The following ARHGAP18 variants were observed in gnomAD, a reference collection of about 807,000 sequenced individuals.
ARHGAP18 encodes the protein rho GTPase-activating protein 18.
ARHGAP18 carries 67 observed loss-of-function variants against 86.2 expected under a neutral mutation model. The ratio of observed to expected loss-of-function variants is 0.78; its 90% confidence interval spans 0.64 to 0.95. The LOEUF (loss-of-function observed/expected upper bound fraction) is 0.95, where lower values mean the gene tolerates loss of function less well. ARHGAP18 is among the 40% of genes least tolerant of loss of function. ARHGAP18 has a pLI of 0.00. For synonymous variants in ARHGAP18, 283 were observed against 280.4 expected (o/e 1.01, Z -0.09); for missense variants, 691 against 780.4 (o/e 0.89, Z 1.37).
At chr6:129,676,913 C>CTTTTTTTTTTTT (rs1562721123) in intron 1 of ARHGAP18, among the ~76,000 whole-genome samples, 3 of 34,564 alleles carry the variant, frequency 8.7e-5, no homozygotes, top group South Asian at 9.7e-4. Context: ...ATTTTTTGTC[C>CTTTTTTTTTTTT]TCTTTTTTTT....
At chr6:129,677,309 C>T (rs907721077) in intron 1 of ARHGAP18, among the ~76,000 whole-genome samples, 3 of 151,916 alleles carry the variant, frequency 2.0e-5, no homozygotes, top group African/African-American at 7.3e-5. Flanking sequence ...AGGAGAATGG[C>T]GTGAACCCGG....
intron 11 of ARHGAP18, 58 bp downstream of exon 11, chr6:129,600,584 A>G: frequency 7.1e-7 from 1 of 1,398,878 alleles, no homozygotes; most frequent in Non-Finnish European, 9.8e-7. Context: ...AAAGCTAATA[A>G]CAAACATGCA....
chr6:129,622,128 T>C (rs986411908), intron 5 of ARHGAP18, among the ~76,000 whole-genome samples: 3 of 152,128 alleles, frequency 2.0e-5, no homozygotes, highest in Non-Finnish European at 4.4e-5. Context: ...ACTAAATGAA[T>C]GGAGACACAC....
At position 129,625,359 on chromosome 6, in the gene ARHGAP18, ATGTATATTTATATATATTATATAT is replaced by A. The variant is rs1562697048; in HGVS notation, c.786+3970_786+3993del. On this transcript the variant is annotated intron_variant, in intron 5 of 14. Coordinates refer to ENST00000368149, the MANE Select transcript of ARHGAP18 (RefSeq NM_033515.3). ...TATATATTTATATGTAATATATATT[ATGTATATTTATATATATTATATAT>A]TATATATTTATACATATGTATTATA... Among the ~76,000 whole-genome samples, 148 of 64,480 alleles carry A rather than the reference ATGTATATTTATATATATTATATAT, an allele frequency of 2.3e-3. 44 individuals carry two copies. The highest frequency in any genetic ancestry group is 0.012 in the African/African-American group (128 of 10,630). 42.3% of individuals were successfully genotyped at this position (64,480 alleles called of 152,430 possible). A position where few individuals can be genotyped will look rare whatever the true frequency, so the allele number is the denominator to read the frequency against.
chr6:129,625,117 A>AC (rs553523150), intron 5 of ARHGAP18, among the ~76,000 whole-genome samples: 1 of 27,980 alleles, frequency 3.6e-5, no homozygotes, highest in African/African-American at 1.4e-4. Context: ...TATATTATAT[A>AC]GATATATATT....
At chr6:129,697,959 A>T (rs1774647299) in intron 1 of ARHGAP18, among the ~76,000 whole-genome samples, 1 of 152,226 alleles carries the variant, frequency 6.6e-6, no homozygotes, top group East Asian at 1.9e-4. Context: ...ATCGAGTTAC[A>T]TGTTTCTAGC....
At chr6:129,649,187 T>G (rs79452424) in intron 1 of ARHGAP18, among the ~76,000 whole-genome samples, 2,639 of 152,332 alleles carry the variant, frequency 0.017, 77 homozygotes, top group African/African-American at 0.06. Context: ...CTTTTCCTCT[T>G]TGCATATCTT....
rs575118483 is a variant in ARHGAP18 at position 129,643,825 on chromosome 6, T to G, written c.114-1807A>C. ...AAAATTGTTTAAAATAGTAGGATTT[T>G]AATAGTACATAAGGGAGAGGGTCAC... On this transcript the variant is annotated intron_variant, in intron 1 of 14. Coordinates refer to ENST00000368149, the MANE Select transcript of ARHGAP18 (RefSeq NM_033515.3). Among the ~76,000 whole-genome samples, 12 of 152,354 alleles carry G rather than the reference T, an allele frequency of 7.9e-5. No individual in the cohort carries two copies. In the South Asian group the frequency reaches 2.1e-3, roughly 26 times the overall value.
chr6:129,598,906 C>T (rs77007807), intron 12 of ARHGAP18: 16 of 178,164 alleles, frequency 9.0e-5, no homozygotes, highest in Non-Finnish European at 1.2e-4. Flanking sequence ...CTAGAGTCTC[C>T]GCACGAGAGG....
intron 1 of ARHGAP18, among the ~76,000 whole-genome samples, chr6:129,691,530 C>G (rs1243007537): frequency 1.3e-5 from 2 of 152,166 alleles, no homozygotes; most frequent in African/African-American, 4.8e-5. Flanking sequence ...AAGAGTGGCT[C>G]TCTCTAAGCG....
In ARHGAP18 at chr6:129,638,423, A is replaced by G; in HGVS notation, c.523T>C (p.Phe175Leu). The change falls in exon 3 of 15, where the codon TTT becomes CTT. Residue 175 changes from phenylalanine (F) to leucine (L), a missense_variant. Phe to Leu is a conservative substitution (Grantham distance 22). Coordinates refer to ENST00000368149, the MANE Select transcript of ARHGAP18 (RefSeq NM_033515.3). ...QYQIPDVRDI[F>L]AQQRESKETA... Reference sequence around the variant, plus strand: ...TCTTTTGATTCTCTCTGTTGAGCAAATATGTCTCTGACGTCAGGAATCTGG... The same window carrying G: ...TCTTTTGATTCTCTCTGTTGAGCAAGTATGTCTCTGACGTCAGGAATCTGG... The G allele has an allele frequency of 6.2e-7, 1 of 1,614,104 alleles. No homozygotes were observed. The highest frequency in any genetic ancestry group is 8.5e-7 in the Non-Finnish European group (1 of 1,179,980).
rs1021337389 is a variant in ARHGAP18 at position 129,647,528 on chromosome 6, C to G, written c.114-5510G>C. On this transcript the variant is annotated intron_variant, in intron 1 of 14. Transcript: ENST00000368149. ...GTTTTGTTTTCTTATAAGATCCTTT[C>G]TAAAAACGATATACTTTCTTTCATG... 1.5e-4 allele frequency among the ~76,000 whole-genome samples: 23 copies of G among 152,276 alleles called. 2 individuals carry two copies. In the Middle Eastern group the frequency reaches 0.014, roughly 90 times the overall value.
chr6:129,583,164 C>T (rs923666172), intron 13 of ARHGAP18, among the ~76,000 whole-genome samples: 1 of 152,112 alleles, frequency 6.6e-6, no homozygotes, highest in Admixed American at 6.5e-5. Context: ...ACAGAGTATT[C>T]GTAAACTGAG....
At chr6:129,640,888 A>G (rs1773443756) in intron 2 of ARHGAP18, among the ~76,000 whole-genome samples, 1 of 152,224 alleles carries the variant, frequency 6.6e-6, no homozygotes, top group African/African-American at 2.4e-5. Context: ...AGAATTGGAC[A>G]TGAAAAACTT....
chr6:129,709,538 G>A (rs978662609), intron 1 of ARHGAP18, among the ~76,000 whole-genome samples: 5 of 152,292 alleles, frequency 3.3e-5, no homozygotes, highest in South Asian at 4.1e-4. Flanking sequence ...TGGGCTTTTT[G>A]CCTAAGAGGT....
rs369628546 is a variant in ARHGAP18, at chr6:129,638,418, A to G, written c.528T>C (p.Ala176=). 4 of 1,614,004 alleles carry G rather than the reference A, an allele frequency of 2.5e-6. No homozygotes were observed. Among genetic ancestry groups the G allele is most frequent in the Non-Finnish European group, 3.4e-6 (4 of 1,179,958 alleles). ...CTGTTTCTTTTGATTCTCTCTGTTG[A>G]GCAAATATGTCTCTGACGTCAGGAA... ...YQIPDVRDIF[A]QQRESKETAP... Residue 176 remains alanine (A), a synonymous_variant, in exon 3 of 15, where the codon GCT becomes GCC. Transcript: ENST00000368149.
At chr6:129,632,796 T>G (rs969224604) in intron 4 of ARHGAP18, among the ~76,000 whole-genome samples, 4 of 152,180 alleles carry the variant, frequency 2.6e-5, no homozygotes, top group African/African-American at 9.7e-5. Flanking sequence ...AGAGAGAAGT[T>G]CTGAGGAAAG....
In ARHGAP18 at chr6:129,589,997, C is replaced by A. The variant is rs148739148; in HGVS notation, c.1714-5885G>T. 7.6e-3 allele frequency among the ~76,000 whole-genome samples: 1,151 copies of A among 152,244 alleles called. 20 individuals carry two copies. Among genetic ancestry groups the A allele is most frequent in the African/African-American group, 0.026 (1,086 of 41,544 alleles). The stretch of plus-strand genomic sequence containing the variant: ...ATGTTCCAGAGCAGGAAGCATCCAG[C>A]CAGGAAAAAGATGAAGGCCAGAGGA... On this transcript the variant is annotated intron_variant, in intron 12 of 14. Transcript: ENST00000368149.
At chr6:129,620,831 T>A (rs1219508101) in intron 5 of ARHGAP18, among the ~76,000 whole-genome samples, 1 of 152,218 alleles carries the variant, frequency 6.6e-6, no homozygotes, top group African/African-American at 2.4e-5. Context: ...CAGAACTATT[T>A]TAATAATTAG....
Sources: gnomAD v4.1 joint callset for allele counts (sites outside exome capture counted in the v4.1 genomes callset) on GRCh38, gnomAD v4.1.1 for gene constraint, MANE v1.5 for transcripts, NCBI Gene and HGNC (gene_info 2026-07-23, HGNC 2026-07-21) for gene names.